The following LRRC47 variants were observed in gnomAD, a reference collection of about 807,000 sequenced individuals.
The protein encoded by LRRC47 is leucine-rich repeat-containing protein 47.
In LRRC47, 31 loss-of-function variants were observed where a neutral mutation model predicts 40.9. That is an observed-to-expected ratio of 0.76 (90% CI 0.57 to 1.02). LRRC47 has a LOEUF of 1.02. Ranked by LOEUF, LRRC47 falls within the 50% of genes least tolerant of loss-of-function variation. The pLI, the probability that LRRC47 is intolerant of heterozygous loss-of-function variation, is 0.00. For missense variants in LRRC47, 726 were observed against 796.1 expected (o/e 0.91, Z 1.06); for synonymous variants, 427 against 371.9 (o/e 1.15, Z -1.70).
At position 3,792,464 on chromosome 1, in the gene LRRC47, CT is replaced by C. The variant is rs34288803; in HGVS notation, c.615+3397del. Among the ~76,000 whole-genome samples the C allele has an allele frequency of 7.0e-4, 100 of 142,336 alleles. 1 individual carries two copies. Among genetic ancestry groups the C allele is most frequent in the Non-Finnish European group, 9.6e-4 (63 of 65,834 alleles). 93.4% of individuals were successfully genotyped at this position (142,336 alleles called of 152,430 possible). ...GGTGCTACAGAGAGCTGGACGCACA[CT>C]TTTTTTTTTTTTTGAGACGCAGTCT... On this transcript the variant is annotated intron_variant, in intron 1 of 6. Transcript: ENST00000378251.
chr1:3,784,304 A>G (rs138718576), intron 3 of LRRC47, 193 bp from the exon 4 acceptor site: 188 of 574,860 alleles, frequency 3.3e-4, no homozygotes, highest in African/African-American at 3.0e-3. Flanking sequence ...CGTCCCGGGG[A>G]GACCTGACGC....
chr1:3,791,855 G>A (rs915099745), intron 1 of LRRC47, among the ~76,000 whole-genome samples: 1 of 152,166 alleles, frequency 6.6e-6, no homozygotes, highest in African/African-American at 2.4e-5. Context: ...CCAGGTTTAA[G>A]CGTTCACCCC....
chr1:3,786,150 G>A (rs919440550), intron 2 of LRRC47, among the ~76,000 whole-genome samples: 67 of 152,204 alleles, frequency 4.4e-4, no homozygotes, highest in African/African-American at 1.2e-3. Context: ...GATTACAGGC[G>A]TGAGCCACCG....
intron 3 of LRRC47, among the ~76,000 whole-genome samples, chr1:3,784,442 G>GCA (rs1245881090): frequency 1.3e-5 from 2 of 152,198 alleles, no homozygotes; most frequent in African/African-American, 4.8e-5. Context: ...GGGACCTCGT[G>GCA]CACTCCACAG....
At chr1:3,782,438 G>T (rs1156426729) in intron 5 of LRRC47, among the ~76,000 whole-genome samples, 1 of 152,154 alleles carries the variant, frequency 6.6e-6, no homozygotes. Context: ...GGGATTACAG[G>T]CATGCACCGC....
chr1:3,784,657 C>A (rs985230397), intron 3 of LRRC47, among the ~76,000 whole-genome samples: 3 of 152,230 alleles, frequency 2.0e-5, no homozygotes, highest in Middle Eastern at 3.2e-3. Context: ...CGGTCTGTTT[C>A]ATTATTTCAT....
chr1:3,792,598 C>G (rs776263178), intron 1 of LRRC47, among the ~76,000 whole-genome samples: 6 of 151,726 alleles, frequency 4.0e-5, no homozygotes, highest in Admixed American at 2.0e-4. Context: ...GTAGCTGGGA[C>G]TACAGGCATG....
chr1:3,795,740 G>A lies in LRRC47; in HGVS notation c.615+122C>T, dbSNP rs990452495. 4.5e-5 allele frequency: 58 copies of A among 1,297,416 alleles called. No individual in the cohort carries two copies. In the African/African-American group the frequency reaches 6.8e-4, roughly 15 times the overall value. 80.4% of individuals were successfully genotyped at this position (1,297,416 alleles called of 1,614,324 possible). On this transcript the variant is annotated intron_variant, in intron 1 of 6. Transcript: ENST00000378251. ...GCAGCTGGCTCCTTTCAGCCTTGTA[G>A]GAATTCCCTGGGCCCAGTGCCCCAG...
At chr1:3,784,631 C>A (rs751456972) in intron 3 of LRRC47, among the ~76,000 whole-genome samples, 1 of 152,224 alleles carries the variant, frequency 6.6e-6, no homozygotes, top group African/African-American at 2.4e-5. Context: ...TGCACCGCTT[C>A]GAGTAACCGC....
At chr1:3,786,709 G>A (rs1343953168) in intron 2 of LRRC47, 140 bp downstream of exon 2, 2 of 806,978 alleles carry the variant, frequency 2.5e-6, no homozygotes, top group Admixed American at 2.9e-5. Flanking sequence ...TGGAGCTGAG[G>A]AAACTGAAGC....
chr1:3,787,036 T>C lies in LRRC47; in HGVS notation c.890A>G (p.Glu297Gly). The part of the protein sequence containing the change: ...RKQRREGGDG[E>G]EQDVGDAGRL... Reference sequence around the variant, plus strand: ...GCCGGCATCTCCCACGTCCTGCTCCTCCCCATCACCACCTTCCCGCCTCTG... The same window carrying C: ...GCCGGCATCTCCCACGTCCTGCTCCCCCCCATCACCACCTTCCCGCCTCTG... The change falls in exon 2 of 7, where the codon GAG (glutamate) becomes GGG (glycine). Residue 297 changes from glutamate (E) to glycine (G), a missense_variant. Glu to Gly is a moderately conservative substitution (Grantham distance 98, BLOSUM62 -2). Coordinates refer to ENST00000378251, the MANE Select transcript of LRRC47 (RefSeq NM_020710.3). The C allele has an allele frequency of 6.2e-7, 1 of 1,612,568 alleles. No individual in the cohort carries two copies. Among genetic ancestry groups the C allele is most frequent in the Non-Finnish European group, 8.5e-7 (1 of 1,179,390 alleles).
chr1:3,786,416 C>G (rs1159803765), intron 2 of LRRC47, among the ~76,000 whole-genome samples: 1 of 152,134 alleles, frequency 6.6e-6, no homozygotes, highest in Non-Finnish European at 1.5e-5. Context: ...AGGAGAATCA[C>G]TTGAACCCAG....
At chr1:3,792,159 T>C (rs977909208) in intron 1 of LRRC47, among the ~76,000 whole-genome samples, 5 of 152,226 alleles carry the variant, frequency 3.3e-5, no homozygotes, top group African/African-American at 1.2e-4. Flanking sequence ...GAAATTCCAA[T>C]GTGCGTAGCT....
rs370914502 is a variant in LRRC47 at position 3,783,987 on chromosome 1, G to A, written c.1310+9C>T. On this transcript the variant is annotated intron_variant, in intron 4 of 6. Coordinates refer to ENST00000378251, the MANE Select transcript of LRRC47 (RefSeq NM_020710.3). ...GGCCCGGCCCCACCCCACCAGGCAC[G>A]CTGCCCACCTGTGCAGGCCCGACAC... 60 of 1,598,102 alleles carry A rather than the reference G, an allele frequency of 3.8e-5. No homozygotes were observed. Among genetic ancestry groups the A allele is most frequent in the African/African-American group, 2.4e-4 (18 of 74,792 alleles).
chr1:3,794,820 C>G (rs1000388489), intron 1 of LRRC47, among the ~76,000 whole-genome samples: 1 of 151,568 alleles, frequency 6.6e-6, no homozygotes, highest in Non-Finnish European at 1.5e-5. Context: ...TTTGGAAGGC[C>G]GAGACAGGCG....
chr1:3,792,706 G>A (rs1002375537), intron 1 of LRRC47, among the ~76,000 whole-genome samples: 3 of 152,294 alleles, frequency 2.0e-5, no homozygotes, highest in Non-Finnish European at 4.4e-5. Flanking sequence ...TGATTCGCCC[G>A]CCTTGGCCTC....
rs972400067 is a variant in LRRC47 at position 3,780,044 on chromosome 1, G to T, written c.*1044C>A. 1.3e-5 allele frequency: 2 copies of T among 152,178 alleles called. No homozygotes were observed. The highest frequency in any genetic ancestry group is 4.8e-5 in the African/African-American group (2 of 41,428). 9.4% of individuals were successfully genotyped at this position (152,178 alleles called of 1,614,324 possible). A position where few individuals can be genotyped will look rare whatever the true frequency, so the allele number is the denominator to read the frequency against. The stretch of plus-strand genomic sequence containing the variant: ...CCAAGCTGCATCCTGGCATGATATG[G>T]TTTTACAAGATGCTGCGTCATAGAA... On this transcript the variant is annotated 3_prime_UTR_variant, in exon 7 of 7. Transcript: ENST00000378251.
intron 1 of LRRC47, 27 bp from the exon 2 acceptor site, chr1:3,787,337 G>A (rs749968335): frequency 6.3e-7 from 1 of 1,582,738 alleles, no homozygotes; most frequent in South Asian, 1.1e-5. Context: ...GGACGCGTCA[G>A]ACGCCCGGAC....
At chr1:3,782,521 T>G (rs1054716371) in intron 5 of LRRC47, 140 bp downstream of exon 5, 29 of 642,334 alleles carry the variant, frequency 4.5e-5, no homozygotes, top group Non-Finnish European at 8.0e-5. Context: ...CTTGAACTCC[T>G]GACCTCAGGT....
Sources: gnomAD v4.1 joint callset for allele counts (sites outside exome capture counted in the v4.1 genomes callset) on GRCh38, gnomAD v4.1.1 for gene constraint, MANE v1.5 for transcripts, NCBI Gene and HGNC (gene_info 2026-07-23, HGNC 2026-07-21) for gene names.